PPP1R12B: variants seen among roughly 807,000 people sequenced by gnomAD.
PPP1R12B encodes the protein myosin phosphatase target subunit 2.
A neutral mutation model predicts 126.1 loss-of-function variants in PPP1R12B; 76 were observed. The ratio of observed to expected loss-of-function variants is 0.60; its 90% CI spans 0.50 to 0.73. The LOEUF (loss-of-function observed/expected upper bound fraction) is 0.73, where lower values mean the gene tolerates loss of function less well. PPP1R12B is among the 30% of genes least tolerant of loss of function. The probability of loss-of-function intolerance (pLI) is 0.00; values close to 1 mark genes in which losing one functional copy is unlikely to be tolerated. For missense variants in PPP1R12B, 1,052 were observed against 1,205.1 expected, an observed-to-expected ratio of 0.87 and a Z score of 1.88; for synonymous variants, 356 against 434.7, an observed-to-expected ratio of 0.82 and a Z score of 2.25.
intron 13 of PPP1R12B, among the ~76,000 whole-genome samples, chr1:202,450,174 G>T (rs34992075): frequency 6.6e-6 from 1 of 152,284 alleles, no homozygotes; most frequent in East Asian, 1.9e-4. Flanking sequence ...AAGGCTCAAA[G>T]AAATAGAACT....
At position 202,533,742 on chromosome 1, in the gene PPP1R12B, C is replaced by T. The variant is rs534896800; in HGVS notation, c.2491-25135C>T. Among the ~76,000 whole-genome samples the T allele has an allele frequency of 4.1e-4, 63 of 152,308 alleles. No individual in the cohort carries two copies. The South Asian group carries it at 0.013, about 31-fold the overall frequency. On this transcript the variant is annotated intron_variant, in intron 18 of 23. Transcript: ENST00000608999. ...TGGCCACAGTGTCATAGAAGCGATA[C>T]TGTACTCTTCTCATTTCATGCTGTC...
intron 1 of PPP1R12B, among the ~76,000 whole-genome samples, chr1:202,395,445 C>T (rs1386977713): frequency 6.6e-6 from 1 of 152,206 alleles, no homozygotes; most frequent in Non-Finnish European, 1.5e-5. Flanking sequence ...TCACAACTTA[C>T]TCTCCATCTC....
At chr1:202,368,071 G>C (rs1659563754) in intron 1 of PPP1R12B, among the ~76,000 whole-genome samples, 1 of 152,036 alleles carries the variant, frequency 6.6e-6, no homozygotes, top group African/African-American at 2.4e-5. Context: ...CCAGGTTCAA[G>C]CGATTCTCCT....
intron 13 of PPP1R12B, chr1:202,473,979 T>G (rs766112165): frequency 3.8e-6 from 2 of 531,232 alleles, no homozygotes; most frequent in South Asian, 2.8e-5. Context: ...TGGAGCGCTC[T>G]TTGTCAAAGG....
At chr1:202,580,167 C>G (rs538673610) in intron 23 of PPP1R12B, among the ~76,000 whole-genome samples, 19 of 152,268 alleles carry the variant, frequency 1.2e-4, no homozygotes, top group African/African-American at 4.6e-4. Context: ...AAAGTGGTTA[C>G]TGATTCAGTA....
intron 18 of PPP1R12B, among the ~76,000 whole-genome samples, chr1:202,511,241 G>A (rs2148894565): frequency 6.7e-6 from 1 of 150,154 alleles, no homozygotes; most frequent in South Asian, 2.1e-4. Context: ...TTTTGAGACA[G>A]AGTCTCCTTC....
At chr1:202,384,201 A>G (rs1023383571) in intron 1 of PPP1R12B, among the ~76,000 whole-genome samples, 5 of 152,212 alleles carry the variant, frequency 3.3e-5, no homozygotes, top group African/African-American at 9.7e-5. Context: ...GCTCCCAGGT[A>G]TATATTCAAA....
At chr1:202,459,115 A>G (rs1673996114) in intron 13 of PPP1R12B, among the ~76,000 whole-genome samples, 1 of 152,174 alleles carries the variant, frequency 6.6e-6, no homozygotes, top group African/African-American at 2.4e-5. Flanking sequence ...ACAGTTCTTT[A>G]CTCAGTTTAA....
intron 1 of PPP1R12B, among the ~76,000 whole-genome samples, chr1:202,400,908 T>C (rs2148560013): frequency 6.6e-6 from 1 of 152,370 alleles, no homozygotes; most frequent in South Asian, 2.1e-4. Context: ...CAGCAAACTA[T>C]AGCTCATGGG....
intron 13 of PPP1R12B, chr1:202,472,009 A>G: frequency 6.3e-7 from 1 of 1,595,696 alleles, no homozygotes; most frequent in South Asian, 1.1e-5. Context: ...CATCCTGGGC[A>G]TTTCACATCC....
intron 18 of PPP1R12B, among the ~76,000 whole-genome samples, chr1:202,552,177 A>G (rs974751358): frequency 1.2e-4 from 18 of 152,226 alleles, no homozygotes; most frequent in African/African-American, 4.3e-4. Flanking sequence ...CCTCATTATC[A>G]TTGCCCTCTA....
chr1:202,435,259 C>A (rs559646347), intron 9 of PPP1R12B, among the ~76,000 whole-genome samples: 94 of 152,198 alleles, frequency 6.2e-4, no homozygotes, highest in African/African-American at 2.1e-3. Context: ...AACATTGCCC[C>A]CCAAAATCTA....
At chr1:202,358,282 G>A (rs747732299) in intron 1 of PPP1R12B, among the ~76,000 whole-genome samples, 6 of 152,128 alleles carry the variant, frequency 3.9e-5, no homozygotes, top group Non-Finnish European at 8.8e-5. Flanking sequence ...TAAAAAAATT[G>A]TTTCTTCTGA....
At chr1:202,405,947 C>T (rs1176713389) in intron 1 of PPP1R12B, among the ~76,000 whole-genome samples, 4 of 152,130 alleles carry the variant, frequency 2.6e-5, no homozygotes, top group South Asian at 2.1e-4. Context: ...TCTCCTTTTA[C>T]GGATAATATT....
chr1:202,488,441 A>G, intron 13 of PPP1R12B, 92 bp from the exon 14 acceptor site: 1 of 984,386 alleles, frequency 1.0e-6, no homozygotes. Flanking sequence ...CCTAGAATGT[A>G]GAAATCTCTT....
intron 13 of PPP1R12B, among the ~76,000 whole-genome samples, chr1:202,473,437 T>C (rs1485472788): frequency 6.6e-6 from 1 of 152,262 alleles, no homozygotes; most frequent in Non-Finnish European, 1.5e-5. Context: ...GCTAGCTGGC[T>C]ATGCCTGAGC....
chr1:202,451,101 T>A (rs955988513), intron 13 of PPP1R12B, among the ~76,000 whole-genome samples: 2 of 151,050 alleles, frequency 1.3e-5, no homozygotes, highest in Non-Finnish European at 2.9e-5. Context: ...GGTATTTTAT[T>A]TTATTTGTAA....
At position 202,508,722 on chromosome 1, in the gene PPP1R12B, A is replaced by G. The variant is rs1681094210; in HGVS notation, c.2490+11900A>G. On this transcript the variant is annotated intron_variant, in intron 18 of 23. Transcript: ENST00000608999. The surrounding 1 kb of genome is among the most constrained non-coding windows in gnomAD (Gnocchi z 4.5). ...TTTCTCATTTCTCGAAATGTCTGGT[A>G]TAGCTACTACTTGCTGGCTGTTGTG... Among the ~76,000 whole-genome samples the G allele has an allele frequency of 6.6e-6, 1 of 152,206 alleles. No individual in the cohort carries two copies. The highest frequency in any genetic ancestry group is 2.4e-5 in the African/African-American group (1 of 41,442).
intron 13 of PPP1R12B, among the ~76,000 whole-genome samples, chr1:202,466,100 A>T (rs12123006): frequency 0.43 from 65,719 of 151,908 alleles, 15,642 homozygotes; most frequent in East Asian, 0.71. Context: ...TTCACCTTTG[A>T]CCCTGCACTG....
Sources: allele counts gnomAD v4.1 joint callset (sites outside exome capture counted in the v4.1 genomes callset), GRCh38; gene constraint gnomAD v4.1.1; non-coding constraint Gnocchi (gnomAD v3.1); transcripts MANE v1.5; gene names NCBI Gene and HGNC (gene_info 2026-07-23, HGNC 2026-07-21).